Variants in EPHB1 observed in about 807,000 individuals in gnomAD.
The protein encoded by EPHB1 is ephrin type-B receptor 1.
Under a neutral mutation model 94.4 loss-of-function variants are expected in EPHB1, and 30 were observed. The observed-to-expected ratio is 0.32, with a 90% CI of 0.24 to 0.43. The LOEUF (loss-of-function observed/expected upper bound fraction) is 0.43, where lower values mean the gene tolerates loss of function less well. EPHB1 is among the 20% of genes least tolerant of loss of function. The pLI, the probability that EPHB1 is intolerant of heterozygous loss-of-function variation, is 1.00. For missense variants in EPHB1, 1,055 were observed against 1,308.3 expected, an observed-to-expected ratio of 0.81 and a Z score of 2.99; for synonymous variants, 522 against 489.1, an observed-to-expected ratio of 1.07 and a Z score of -0.89.
chr3:134,893,583 C>T (rs1384246027), intron 1 of EPHB1, among the ~76,000 whole-genome samples: 2 of 152,204 alleles, frequency 1.3e-5, no homozygotes, highest in African/African-American at 4.8e-5. Context: ...TCTGGACTTG[C>T]CCTTGCCTCT....
intron 1 of EPHB1, among the ~76,000 whole-genome samples, chr3:134,923,152 C>T (rs2038722164): frequency 6.6e-6 from 1 of 152,220 alleles, no homozygotes; most frequent in African/African-American, 2.4e-5. Flanking sequence ...AAGAAGCCTG[C>T]TCCAATGCTT....
chr3:134,963,667 A>G (rs2107723140), intron 3 of EPHB1, among the ~76,000 whole-genome samples: 1 of 152,234 alleles, frequency 6.6e-6, no homozygotes, highest in African/African-American at 2.4e-5. Context: ...AAGGTAAGTA[A>G]TTTTCTCAAG....
chr3:135,107,377 G>A (rs1200099693), intron 4 of EPHB1, among the ~76,000 whole-genome samples: 1 of 152,198 alleles, frequency 6.6e-6, no homozygotes, highest in South Asian at 2.1e-4. Context: ...ATTGTGGAAG[G>A]AGGCAATCAC....
intron 3 of EPHB1, among the ~76,000 whole-genome samples, chr3:135,010,583 C>T (rs1349431389): frequency 9.9e-5 from 10 of 101,228 alleles, no homozygotes; most frequent in East Asian, 3.1e-4. Context: ...TTTTTTTTTA[C>T]GCAGAGTTTC....
chr3:135,058,779 G>T (rs1250793627), intron 3 of EPHB1, among the ~76,000 whole-genome samples: 2 of 152,238 alleles, frequency 1.3e-5, no homozygotes, highest in Non-Finnish European at 2.9e-5. Flanking sequence ...GGATTCTGCA[G>T]AAAGGGATTC....
chr3:135,091,426 A>G (rs897571494), intron 3 of EPHB1, among the ~76,000 whole-genome samples: 11 of 152,166 alleles, frequency 7.2e-5, no homozygotes, highest in African/African-American at 2.4e-4. Flanking sequence ...TGCCTGGAAC[A>G]TTGTGTTAAA....
chr3:135,140,276 C>T (rs1370868889), intron 5 of EPHB1, among the ~76,000 whole-genome samples: 2 of 152,126 alleles, frequency 1.3e-5, no homozygotes, highest in African/African-American at 4.8e-5. Flanking sequence ...GAGGAGGGTG[C>T]AGGTGATCCA....
intron 2 of EPHB1, among the ~76,000 whole-genome samples, chr3:134,947,268 G>A (rs1174567254): frequency 6.6e-6 from 1 of 151,938 alleles, no homozygotes; most frequent in Non-Finnish European, 1.5e-5. Context: ...TCTCTCTGTT[G>A]GGAATGCCAT....
chr3:135,134,886 A>G (rs1940561552), intron 5 of EPHB1, among the ~76,000 whole-genome samples: 1 of 151,680 alleles, frequency 6.6e-6, no homozygotes, highest in South Asian at 2.1e-4. Flanking sequence ...GTTTGCTTTT[A>G]TTTCTGCCCT....
At chr3:134,859,955 C>G (rs1212338254) in intron 1 of EPHB1, among the ~76,000 whole-genome samples, 3 of 151,910 alleles carry the variant, frequency 2.0e-5, no homozygotes, top group Non-Finnish European at 4.4e-5. Context: ...TTGTAATAGC[C>G]CATCCAGTGG....
chr3:134,837,720 G>A (rs1033161407), intron 1 of EPHB1, among the ~76,000 whole-genome samples: 15 of 152,334 alleles, frequency 9.8e-5, no homozygotes, highest in African/African-American at 2.9e-4. Flanking sequence ...AGAATGCTCT[G>A]CTCTGGCCCT....
rs2035937560 is a variant in EPHB1, at chr3:134,801,654, A to AATTTATTATTTTATTATAAT, written c.58+5966_58+5967insTTTATTATTTTATTATAATA. Among the ~76,000 whole-genome samples, 4 of 152,360 alleles carry AATTTATTATTTTATTATAAT rather than the reference A, an allele frequency of 2.6e-5. No individual in the cohort carries two copies. The South Asian group carries it at 8.3e-4, about 32-fold the overall frequency. The stretch of plus-strand genomic sequence containing the variant: ...GAGGAAATTACTGTAATAATAAAGT[A>AATTTATTATTTTATTATAAT]ACACCTTGGGAAAGATTTCATATTT... On this transcript the variant is annotated intron_variant, in intron 1 of 15. Transcript: ENST00000398015.
At chr3:135,177,912 T>C (rs994195332) in intron 9 of EPHB1, among the ~76,000 whole-genome samples, 1 of 152,178 alleles carries the variant, frequency 6.6e-6, no homozygotes, top group Non-Finnish European at 1.5e-5. Context: ...AAAGCAGAAG[T>C]CTCTTCCTAC....
At chr3:135,076,342 G>A (rs2107784647) in intron 3 of EPHB1, among the ~76,000 whole-genome samples, 1 of 151,122 alleles carries the variant, frequency 6.6e-6, no homozygotes, top group African/African-American at 2.4e-5. Flanking sequence ...CAGCAAAGAA[G>A]ATACACAAAT....
At position 134,813,664 on chromosome 3, in the gene EPHB1, A is replaced by G. The variant is rs115237129; in HGVS notation, c.58+17975A>G. On this transcript the variant is annotated intron_variant, in intron 1 of 15. Transcript: ENST00000398015. ...TTCCAGCTTTTCTGGTTCTTGTTGC[A>G]TTCAAGCCATAGAGAATGCCTTTGG... Among the ~76,000 whole-genome samples the G allele has an allele frequency of 4.3e-3, 650 of 152,284 alleles. 2 individuals are homozygous for G. Among genetic ancestry groups the G allele is most frequent in the South Asian group, 0.014 (67 of 4,818 alleles).
chr3:135,206,713 G>A (rs1007433273), intron 12 of EPHB1, among the ~76,000 whole-genome samples: 2 of 152,192 alleles, frequency 1.3e-5, no homozygotes, highest in African/African-American at 2.4e-5. Context: ...GCTAGGTTTG[G>A]TGACTCATGC....
intron 1 of EPHB1, among the ~76,000 whole-genome samples, chr3:134,800,628 G>A (rs2035918483): frequency 6.6e-6 from 1 of 152,182 alleles, no homozygotes; most frequent in Non-Finnish European, 1.5e-5. Flanking sequence ...ACACTGCCAA[G>A]GGGAATGTTT....
chr3:135,231,380 GT>G, intron 12 of EPHB1, among the ~76,000 whole-genome samples: 1 of 152,114 alleles, frequency 6.6e-6, no homozygotes, highest in Non-Finnish European at 1.5e-5. Flanking sequence ...TTTTTTTCCA[GT>G]TGGGAAATGT....
In EPHB1 at chr3:135,088,522, A is replaced by G. The variant is rs560417355; in HGVS notation, c.806-17926A>G. Among the ~76,000 whole-genome samples, 3 of 152,326 alleles carry G rather than the reference A, an allele frequency of 2.0e-5. No homozygotes were observed. The South Asian group carries it at 6.2e-4, about 32-fold the overall frequency. ...ATAAGTCCGGGTTGGATGGCACTCC[A>G]TGGTGTGATGTTGGAAACCCAGGTG... is the stretch of plus-strand genomic sequence containing the variant. On this transcript the variant is annotated intron_variant, in intron 3 of 15. Transcript: ENST00000398015.
Sources: gnomAD v4.1 joint callset for allele counts (sites outside exome capture counted in the v4.1 genomes callset) on GRCh38, gnomAD v4.1.1 for gene constraint, MANE v1.5 for transcripts, NCBI Gene and HGNC (gene_info 2026-07-23, HGNC 2026-07-21) for gene names.